MPPED1: variants seen among roughly 807,000 people sequenced by gnomAD.
MPPED1 encodes metallophosphoesterase domain containing 1.
A neutral mutation model predicts 36.2 loss-of-function variants in MPPED1; 16 were observed. That is an observed-to-expected ratio of 0.44 (90% CI 0.30 to 0.67). The LOEUF (loss-of-function observed/expected upper bound fraction) is 0.67. MPPED1 is among the 30% of genes least tolerant of loss of function. MPPED1 has a pLI of 0.10. For synonymous variants in MPPED1, 199 were observed against 191.3 expected (o/e 1.04, Z -0.33); for missense variants, 307 against 453.4 (o/e 0.68, Z 2.93).
intron 5 of MPPED1, among the ~76,000 whole-genome samples, chr22:43,499,241 G>T (rs1233642409): frequency 1.3e-5 from 2 of 151,170 alleles, no homozygotes; most frequent in African/African-American, 4.9e-5. Flanking sequence ...GTGGGGATGG[G>T]GTGGTGGTGG....
At chr22:43,499,723 AGGTGGTGATGGG>A (rs1932579457) in intron 5 of MPPED1, among the ~76,000 whole-genome samples, 1 of 22,600 alleles carries the variant, frequency 4.4e-5, no homozygotes. Flanking sequence ...GTGGTGATGG[AGGTGGTGATGGG>A]GGTGGTGGTG....
intron 3 of MPPED1, among the ~76,000 whole-genome samples, chr22:43,449,687 A>G (rs1930495464): frequency 6.6e-6 from 1 of 152,148 alleles, no homozygotes; most frequent in Non-Finnish European, 1.5e-5. Flanking sequence ...GACATGGTTG[A>G]GAGCTCAGAC....
At chr22:43,468,065 C>T (rs150267333) in intron 3 of MPPED1, among the ~76,000 whole-genome samples, 1 of 152,126 alleles carries the variant, frequency 6.6e-6, no homozygotes, top group Non-Finnish European at 1.5e-5. Flanking sequence ...AATCTGTGTG[C>T]GGATACACAG....
In MPPED1 at chr22:43,502,403, AG is replaced by A. The variant is rs1416764965; in HGVS notation, c.749-239del. Among the ~76,000 whole-genome samples, 1 of 152,174 alleles carries A rather than the reference AG, an allele frequency of 6.6e-6. No homozygotes were observed. Among genetic ancestry groups the A allele is most frequent in the Non-Finnish European group, 1.5e-5 (1 of 68,010 alleles). ...GCCTGGCCCATGCTGAGCTCTTTCA[AG>A]GAGGCCCTCAGTGCAGCCCTATGGA... On this transcript the variant is annotated intron_variant, in intron 5 of 6. Transcript: ENST00000443721. The surrounding 1 kb of genome is among the most constrained non-coding windows in gnomAD (Gnocchi z 5.5).
intron 3 of MPPED1, among the ~76,000 whole-genome samples, chr22:43,453,960 GCCC>G (rs1207427255): frequency 6.6e-6 from 1 of 151,938 alleles, no homozygotes; most frequent in African/African-American, 2.4e-5. Flanking sequence ...CCTCTCCCCA[GCCC>G]CTGGCATCCA....
chr22:43,503,257 C>T (rs1012480728), intron 6 of MPPED1, among the ~76,000 whole-genome samples: 3 of 152,206 alleles, frequency 2.0e-5, no homozygotes, highest in Admixed American at 6.5e-5. Context: ...CACATGGCCA[C>T]GCCCTGGCCT....
intron 2 of MPPED1, among the ~76,000 whole-genome samples, chr22:43,426,444 T>C (rs1295698984): frequency 2.6e-5 from 4 of 151,978 alleles, no homozygotes; most frequent in African/African-American, 9.7e-5. Context: ...CGGGAAGCCC[T>C]CCAGACTGCC....
At chr22:43,415,225 C>CAAAAAAATAAAAAAAAAAAA (rs1929036906) in intron 1 of MPPED1, among the ~76,000 whole-genome samples, 1 of 49,414 alleles carries the variant, frequency 2.0e-5, no homozygotes, top group Non-Finnish European at 3.5e-5. Context: ...ATGTCAAAAG[C>CAAAAAAATAAAAAAAAAAAA]AAAAAAAAAA....
intron 3 of MPPED1, among the ~76,000 whole-genome samples, chr22:43,447,128 G>A (rs964579712): frequency 1.3e-5 from 2 of 152,134 alleles, no homozygotes; most frequent in Admixed American, 6.6e-5. Context: ...TGCAGTCTGG[G>A]GCTGTGCCAG....
At chr22:43,450,109 G>T (rs559159527) in intron 3 of MPPED1, among the ~76,000 whole-genome samples, 1 of 152,190 alleles carries the variant, frequency 6.6e-6, no homozygotes, top group Non-Finnish European at 1.5e-5. Flanking sequence ...TTCTTCTCAC[G>T]TGTCAGTGAC....
At chr22:43,473,591 G>A (rs552787098) in intron 3 of MPPED1, among the ~76,000 whole-genome samples, 26 of 152,158 alleles carry the variant, frequency 1.7e-4, no homozygotes, top group Non-Finnish European at 2.6e-4. Context: ...ATCCAAATCA[G>A]GGCTTACAGG....
At chr22:43,457,696 G>A (rs1043763342) in intron 3 of MPPED1, among the ~76,000 whole-genome samples, 4 of 151,558 alleles carry the variant, frequency 2.6e-5, no homozygotes, top group Non-Finnish European at 5.9e-5. Flanking sequence ...TGTTGCCCTG[G>A]GCATTATAAT....
At position 43,502,731 on chromosome 22, in the gene MPPED1, T is replaced by A; in HGVS notation, c.836T>A (p.Leu279Ter). ...NTVQRRVQPR[L>*]HVFGHIHEGY... Reference sequence around the variant, plus strand: ...GTGCAGAGGCGCGTCCAGCCGCGGTTACATGTCTTTGGCCACATCCACGAA... The same window carrying A: ...GTGCAGAGGCGCGTCCAGCCGCGGTAACATGTCTTTGGCCACATCCACGAA... Residue 279 changes from leucine (L) to a stop codon, truncating the protein, a stop_gained, in exon 6 of 7, where the codon TTA (leucine) becomes TAA (stop). Transcript: ENST00000443721. LOFTEE classifies it high-confidence loss of function. The surrounding 1 kb of genome is among the most constrained non-coding windows in gnomAD (Gnocchi z 5.5). 1.2e-6 allele frequency: 2 copies of A among 1,613,314 alleles called. No individual in the cohort carries two copies. The highest frequency in any genetic ancestry group is 1.7e-6 in the Non-Finnish European group (2 of 1,179,868).
chr22:43,470,780 C>T (rs755338092), intron 3 of MPPED1, among the ~76,000 whole-genome samples: 22 of 152,258 alleles, frequency 1.4e-4, no homozygotes, highest in Non-Finnish European at 2.6e-4. Context: ...GATAGTAACA[C>T]TTAAGTGTCT....
intron 2 of MPPED1, among the ~76,000 whole-genome samples, chr22:43,427,055 C>T (rs1324899764): frequency 6.6e-6 from 1 of 152,194 alleles, no homozygotes; most frequent in Non-Finnish European, 1.5e-5. Context: ...CTGAGGTCCC[C>T]GGAGGCCAGG....
At chr22:43,434,967 C>T in intron 2 of MPPED1, 67 bp from the exon 3 acceptor site, 3 of 1,525,428 alleles carry the variant, frequency 2.0e-6, no homozygotes, top group African/African-American at 2.7e-5. Flanking sequence ...GATGGGGCTG[C>T]AGACACACCA....
At chr22:43,422,552 T>G (rs1290117417) in intron 1 of MPPED1, among the ~76,000 whole-genome samples, 1 of 152,166 alleles carries the variant, frequency 6.6e-6, no homozygotes, top group African/African-American at 2.4e-5. Flanking sequence ...TGTGGTCAGC[T>G]TGCATTTGAG....
In MPPED1 at chr22:43,435,233, C is replaced by T. The variant is rs754238759; in HGVS notation, c.406+18C>T. 5.9e-5 allele frequency: 94 copies of T among 1,593,508 alleles called. No homozygotes were observed. The highest frequency in any genetic ancestry group is 4.0e-4 in the East Asian group (18 of 44,526). On this transcript the variant is annotated intron_variant, in intron 3 of 6. Coordinates refer to ENST00000443721, the MANE Select transcript of MPPED1 (RefSeq NM_001044370.2). ...GTGGCTGGGTAGGTCCCTCCTGCCCCGGGCGGGCGGCTGTGCTGAGCAGGA... is the reference window on the plus strand; with the variant it reads ...GTGGCTGGGTAGGTCCCTCCTGCCCTGGGCGGGCGGCTGTGCTGAGCAGGA...
At chr22:43,463,806 C>CTTTTCTTTCTTTCTTTCTTT (rs1931043256) in intron 3 of MPPED1, among the ~76,000 whole-genome samples, 19 of 121,584 alleles carry the variant, frequency 1.6e-4, no homozygotes, top group Admixed American at 5.1e-4. Context: ...TTCATTTTTT[C>CTTTTCTTTCTTTCTTTCTTT]TTTTCTTTCT....
Sources: gnomAD v4.1 joint callset for allele counts (sites outside exome capture counted in the v4.1 genomes callset) on GRCh38, gnomAD v4.1.1 for gene constraint, Gnocchi (gnomAD v3.1) non-coding constraint, MANE v1.5 for transcripts, NCBI Gene and HGNC (gene_info 2026-07-23, HGNC 2026-07-21) for gene names.